DMD: variants seen among roughly 807,000 people sequenced by gnomAD.
DMD encodes the protein dystrophin.
DMD carries 63 observed loss-of-function variants against 330.1 expected under a neutral mutation model. That is an observed-to-expected ratio of 0.19 (90% CI 0.16 to 0.24). DMD has a LOEUF of 0.24. Among genes scored for constraint, DMD ranks in the 10% least tolerant of loss-of-function variants. The pLI is 1.00. For missense variants in DMD, 3,344 were observed against 2,684.1 expected (o/e 1.25, Z -5.43); for synonymous variants, 1,223 against 959.8 (o/e 1.27, Z -5.07).
chrX:32,863,573 CAA>C (rs1491405426), intron 2 of DMD, among the ~76,000 whole-genome samples: 20 of 101,219 alleles, frequency 2.0e-4, no homozygotes, highest in African/African-American at 6.4e-4. Flanking sequence ...CACACACACA[CAA>C]ATACACACAT....
intron 32 of DMD, among the ~76,000 whole-genome samples, chrX:32,388,439 T>C (rs1466847113): frequency 1.9e-5 from 2 of 107,347 alleles, no homozygotes; most frequent in Non-Finnish European, 3.9e-5. Flanking sequence ...ATCATTTCTA[T>C]TCCAAGTTTC....
At chrX:32,718,258 T>A in intron 7 of DMD, among the ~76,000 whole-genome samples, 1 of 111,302 alleles carries the variant, frequency 9.0e-6, no homozygotes, top group Non-Finnish European at 1.9e-5. Context: ...GGGAGGTGAC[T>A]GAATCATAGG....
intron 32 of DMD, among the ~76,000 whole-genome samples, chrX:32,387,433 A>G (rs2097966864): frequency 9.0e-6 from 1 of 111,466 alleles, no homozygotes. Flanking sequence ...ATAAATCTGA[A>G]CTATCAGTAC....
chrX:32,852,700 C>G lies in DMD; in HGVS notation c.94-2880G>C, dbSNP rs776874143. Among the ~76,000 whole-genome samples, 47 of 109,575 alleles carry G rather than the reference C, an allele frequency of 4.3e-4. 1 individual carries two copies. Among genetic ancestry groups the G allele is most frequent in the Non-Finnish European group, 7.6e-4 (40 of 52,685 alleles). Reference sequence around the variant, plus strand: ...AGACCCAGGCCTCGCAGCGTTTACTCCTAGTTAACTAAAAAGCTCTTGGGC... The same window carrying G: ...AGACCCAGGCCTCGCAGCGTTTACTGCTAGTTAACTAAAAAGCTCTTGGGC... On this transcript the variant is annotated intron_variant, in intron 2 of 78. Coordinates refer to ENST00000357033, the MANE Select transcript of DMD (RefSeq NM_004006.3).
At chrX:31,618,891 GA>G (rs2078368274) in intron 55 of DMD, among the ~76,000 whole-genome samples, 1 of 110,839 alleles carries the variant, frequency 9.0e-6, no homozygotes, top group Admixed American at 9.6e-5. Context: ...AAAAGAATCA[GA>G]AAAAAATTGA....
chrX:32,905,448 A>T (rs1431051928), intron 2 of DMD, among the ~76,000 whole-genome samples: 1 of 111,716 alleles, frequency 9.0e-6, no homozygotes, highest in Non-Finnish European at 1.9e-5. Context: ...TACTATATAT[A>T]TAAGTTGGGG....
intron 2 of DMD, among the ~76,000 whole-genome samples, chrX:32,906,767 A>T (rs890763182): frequency 9.0e-6 from 1 of 111,676 alleles, no homozygotes; most frequent in Admixed American, 9.6e-5. Flanking sequence ...GAGAGAGAGC[A>T]GTTAGGATGC....
chrX:32,198,596 T>A lies in DMD; in HGVS notation c.6438+18320A>T, dbSNP rs187424753. On this transcript the variant is annotated intron_variant, in intron 44 of 78. Coordinates refer to ENST00000357033, the MANE Select transcript of DMD (RefSeq NM_004006.3). ...CTAATCTTATTCCAGAATACTTTTTTAAAAATTCACTCATTATAGAAGCAT... is the reference window on the plus strand; with the variant it reads ...CTAATCTTATTCCAGAATACTTTTTAAAAAATTCACTCATTATAGAAGCAT... Among the ~76,000 whole-genome samples the A allele has an allele frequency of 6.2e-5, 7 of 112,149 alleles. No homozygotes were observed. The East Asian group carries it at 1.7e-3, about 27-fold the overall frequency.
At chrX:31,597,965 A>G (rs995849693) in intron 55 of DMD, among the ~76,000 whole-genome samples, 4 of 111,660 alleles carry the variant, frequency 3.6e-5, no homozygotes, top group Non-Finnish European at 7.5e-5. Context: ...GGGGGACTCT[A>G]ATAAGTATCT....
At chrX:32,590,602 T>C (rs927282111) in intron 13 of DMD, among the ~76,000 whole-genome samples, 1 of 111,698 alleles carries the variant, frequency 9.0e-6, no homozygotes, top group Non-Finnish European at 1.9e-5. Context: ...GTTTACTCAC[T>C]CTCTTCCTGT....
intron 25 of DMD, among the ~76,000 whole-genome samples, chrX:32,457,638 T>C (rs1252947382): frequency 9.1e-6 from 1 of 109,938 alleles, no homozygotes; most frequent in African/African-American, 3.3e-5. Context: ...TGAGCTTATA[T>C]GCAGGTCAGT....
chrX:32,428,535 A>G (rs748001414), intron 29 of DMD, among the ~76,000 whole-genome samples: 1 of 111,765 alleles, frequency 8.9e-6, no homozygotes, highest in Non-Finnish European at 1.9e-5. Context: ...CACCATGCTG[A>G]TATAGTTGTG....
chrX:31,485,814 C>A (rs957899088), intron 57 of DMD, among the ~76,000 whole-genome samples: 1 of 112,139 alleles, frequency 8.9e-6, no homozygotes, highest in African/African-American at 3.2e-5. Flanking sequence ...TACCTGTATT[C>A]ATATTGAAAT....
chrX:31,421,364 C>T lies in DMD; in HGVS notation c.9084+23117G>A, dbSNP rs921317040. On this transcript the variant is annotated intron_variant, in intron 60 of 78. Coordinates refer to ENST00000357033, the MANE Select transcript of DMD (RefSeq NM_004006.3). ...TAAGCAAATAAGACTAGTTTCTAGTCTACGATTTCTGGGAAAATGCGAGAA... is the reference window on the plus strand; with the variant it reads ...TAAGCAAATAAGACTAGTTTCTAGTTTACGATTTCTGGGAAAATGCGAGAA... Among the ~76,000 whole-genome samples the T allele has an allele frequency of 2.7e-5, 3 of 111,909 alleles. No homozygotes were observed. The Admixed American group carries it at 2.9e-4, about 11-fold the overall frequency.
chrX:32,337,260 A>G (rs753399712), intron 41 of DMD, among the ~76,000 whole-genome samples: 1 of 110,918 alleles, frequency 9.0e-6, no homozygotes, highest in Non-Finnish European at 1.9e-5. Flanking sequence ...TAAGTAAATA[A>G]TAGTGCAATT....
chrX:31,832,344 T>A (rs983426842), intron 49 of DMD, among the ~76,000 whole-genome samples: 1 of 111,482 alleles, frequency 9.0e-6, no homozygotes, highest in Non-Finnish European at 1.9e-5. Flanking sequence ...TTTTTAAAAA[T>A]GTTAAGATGT....
chrX:32,216,938 G>A lies in DMD; in HGVS notation c.6416C>T (p.Ala2139Val). 8.3e-7 allele frequency: 1 copy of A among 1,209,016 alleles called. No individual in the cohort carries two copies. Among genetic ancestry groups the A allele is most frequent in the African/African-American group, 1.7e-5 (1 of 57,652 alleles). ...TACCTTAAGATACCATTTGTATTTA[G>A]CATGTTCCCAATTCTCAGGAATTTG... ...KTQIPENWEH[A>V]KYKWYLKELQ... The change falls in exon 44 of 79, where the codon GCT (alanine) becomes GTT (valine). Residue 2139 changes from alanine to valine, a missense_variant. By Grantham distance (64) the Ala-to-Val change is moderately conservative. Coordinates refer to ENST00000357033, the MANE Select transcript of DMD (RefSeq NM_004006.3).
chrX:31,275,254 C>T (rs1271594656), intron 62 of DMD, among the ~76,000 whole-genome samples: 1 of 108,813 alleles, frequency 9.2e-6, no homozygotes, highest in Non-Finnish European at 1.9e-5. Flanking sequence ...ACTCTGTGAG[C>T]TAATCGCTCA....
intron 60 of DMD, among the ~76,000 whole-genome samples, chrX:31,382,696 A>G (rs1602351658): frequency 9.0e-6 from 1 of 110,869 alleles, no homozygotes; most frequent in East Asian, 2.9e-4. Context: ...TCTACATGAC[A>G]AATGTTTCTT....
Sources: gnomAD v4.1 joint callset for allele counts (sites outside exome capture counted in the v4.1 genomes callset) on GRCh38, gnomAD v4.1.1 for gene constraint, MANE v1.5 for transcripts, NCBI Gene and HGNC (gene_info 2026-07-23, HGNC 2026-07-21) for gene names.